The following PALLD variants were observed in gnomAD, a reference collection of about 807,000 sequenced individuals.
PALLD encodes the protein palladin.
A neutral mutation model predicts 123.5 loss-of-function variants in PALLD; 61 were observed. The ratio of observed to expected loss-of-function variants is 0.49; its 90% CI spans 0.40 to 0.61. The LOEUF (loss-of-function observed/expected upper bound fraction) is 0.61, where lower values mean the gene tolerates loss of function less well. Among genes scored for constraint, PALLD ranks in the 20% least tolerant of loss-of-function variants. The probability of loss-of-function intolerance (pLI) is 0.00; values close to 1 mark genes in which losing one functional copy is unlikely to be tolerated. For missense variants in PALLD, 1,273 were observed against 1,377.0 expected (o/e 0.92, Z 1.20); for synonymous variants, 465 against 496.4 (o/e 0.94, Z 0.84).
chr4:168,594,451 A>C (rs1439515363), intron 2 of PALLD, among the ~76,000 whole-genome samples: 1 of 152,200 alleles, frequency 6.6e-6, no homozygotes, highest in Non-Finnish European at 1.5e-5. Flanking sequence ...GAGGGGAGGT[A>C]GTATCCCACT....
At chr4:168,801,215 A>G (rs1739278131) in intron 10 of PALLD, among the ~76,000 whole-genome samples, 1 of 152,168 alleles carries the variant, frequency 6.6e-6, no homozygotes, top group Non-Finnish European at 1.5e-5. Context: ...CTATTTTTTT[A>G]CCTGAGCAGT....
intron 2 of PALLD, among the ~76,000 whole-genome samples, chr4:168,525,660 T>G (rs960764998): frequency 2.6e-5 from 4 of 152,254 alleles, no homozygotes; most frequent in African/African-American, 9.6e-5. Context: ...TGTTTTACTA[T>G]TTGTTAATGG....
Position 168,869,763 on chromosome 4 carries a change from G to A in PALLD, c.1965-21159G>A, listed in dbSNP as rs1385107809. 2.0e-5 allele frequency among the ~76,000 whole-genome samples: 3 copies of A among 152,156 alleles called. No homozygotes were observed. The highest frequency in any genetic ancestry group is 7.2e-5 in the African/African-American group (3 of 41,440). ...GTTTGAAGTGAAGTAGCACATTTAT[G>A]TTACATGGAAGTGGATAGTGGAATT... On this transcript the variant is annotated intron_variant, in intron 10 of 21. Coordinates refer to ENST00000505667, the MANE Select transcript of PALLD (RefSeq NM_001166108.2). This position sits in a 1 kb window ranked among gnomAD's most constrained non-coding sequence, Gnocchi z 4.5.
intron 1 of PALLD, among the ~76,000 whole-genome samples, chr4:168,510,599 C>A (rs1316630249): frequency 6.6e-6 from 1 of 152,072 alleles, no homozygotes; most frequent in East Asian, 1.9e-4. Flanking sequence ...GTATGCCCTG[C>A]AAACTAAGAA....
chr4:168,663,345 C>T (rs1456026246), intron 2 of PALLD, among the ~76,000 whole-genome samples: 1 of 152,178 alleles, frequency 6.6e-6, no homozygotes, highest in Non-Finnish European at 1.5e-5. Flanking sequence ...GTGCCTTTGC[C>T]TAGGAACCCA....
At chr4:168,839,320 ACCAGATGGTGCCC>A (rs1309071368) in intron 10 of PALLD, among the ~76,000 whole-genome samples, 46 of 152,108 alleles carry the variant, frequency 3.0e-4, no homozygotes, top group Admixed American at 1.3e-3. Flanking sequence ...CCTCATTCCC[ACCAGATGGTGCCC>A]CTGTTGGGGG....
chr4:168,534,019 G>A (rs900327950), intron 2 of PALLD, among the ~76,000 whole-genome samples: 6 of 152,128 alleles, frequency 3.9e-5, no homozygotes, highest in Non-Finnish European at 5.9e-5. Context: ...ATATATTATG[G>A]TTCATCAGGT....
chr4:168,711,940 G>A lies in PALLD; in HGVS notation c.1964+17G>A. 1.3e-6 allele frequency: 2 copies of A among 1,596,522 alleles called. No homozygotes were observed. The highest frequency in any genetic ancestry group is 1.7e-6 in the Non-Finnish European group (2 of 1,164,476). ...ACCAAAACTGTGAGTATTTCTGCAT[G>A]GTTTTATAATAATTTCCATACCCCT... On this transcript the variant is annotated intron_variant, in intron 10 of 21. Coordinates refer to ENST00000505667, the MANE Select transcript of PALLD (RefSeq NM_001166108.2).
intron 10 of PALLD, among the ~76,000 whole-genome samples, chr4:168,847,253 A>G (rs28758848): frequency 0.061 from 9,348 of 152,272 alleles, 909 homozygotes; most frequent in African/African-American, 0.21. Flanking sequence ...AGTACAAATT[A>G]GTTGTACAGG....
intron 10 of PALLD, among the ~76,000 whole-genome samples, chr4:168,811,865 G>T (rs553116375): frequency 3.3e-5 from 5 of 151,842 alleles, no homozygotes; most frequent in Admixed American, 6.6e-5. Context: ...CTTCTGTTCA[G>T]CGTTGGATAT....
At chr4:168,643,634 AAG>A (rs58458849) in intron 2 of PALLD, among the ~76,000 whole-genome samples, 18,063 of 152,228 alleles carry the variant, frequency 0.12, 1,174 homozygotes, top group Non-Finnish European at 0.15. Context: ...CAGGCTGGTT[AAG>A]AGTGTCTGAA....
At chr4:168,839,483 A>C (rs1745703589) in intron 10 of PALLD, among the ~76,000 whole-genome samples, 1 of 151,862 alleles carries the variant, frequency 6.6e-6, no homozygotes, top group African/African-American at 2.4e-5. Context: ...TGGTAATCTC[A>C]GCTGAGCGAA....
chr4:168,854,051 ACC>A (rs1174300564), intron 10 of PALLD, among the ~76,000 whole-genome samples: 1 of 152,136 alleles, frequency 6.6e-6, no homozygotes, highest in Admixed American at 6.5e-5. Context: ...TTCTATTATT[ACC>A]CCATTACATA....
At chr4:168,775,510 C>T (rs62334293) in intron 10 of PALLD, among the ~76,000 whole-genome samples, 23,776 of 151,940 alleles carry the variant, frequency 0.16, 2,217 homozygotes, top group Middle Eastern at 0.22. Context: ...TAAAAATTTC[C>T]TTCATAGTGA....
intron 2 of PALLD, among the ~76,000 whole-genome samples, chr4:168,573,303 C>CT (rs796750726): frequency 3.4e-4 from 52 of 151,022 alleles, no homozygotes; most frequent in Middle Eastern, 6.8e-3. Context: ...ACCCCATTGC[C>CT]TTTTTTTTTG....
chr4:168,754,911 TA>T (rs1273481237), intron 10 of PALLD, among the ~76,000 whole-genome samples: 6 of 152,068 alleles, frequency 3.9e-5, no homozygotes, highest in Non-Finnish European at 8.8e-5. Flanking sequence ...TATAAAACAA[TA>T]TAATGTGGGA....
chr4:168,870,461 C>T (rs766774713), intron 10 of PALLD, among the ~76,000 whole-genome samples: 6 of 152,172 alleles, frequency 3.9e-5, no homozygotes, highest in Admixed American at 2.0e-4. Flanking sequence ...ATCTGCCTCT[C>T]GAATGCCTTT....
chr4:168,817,607 A>C (rs1742157603), intron 10 of PALLD, among the ~76,000 whole-genome samples: 1 of 152,216 alleles, frequency 6.6e-6, no homozygotes, highest in Non-Finnish European at 1.5e-5. Context: ...CACTGATCCT[A>C]TGGATAAATG....
At chr4:168,769,685 C>T (rs1734137171) in intron 10 of PALLD, among the ~76,000 whole-genome samples, 1 of 152,144 alleles carries the variant, frequency 6.6e-6, no homozygotes, top group Non-Finnish European at 1.5e-5. Context: ...AAAACTTGGC[C>T]AGACATCACA....
Sources: gnomAD v4.1 joint callset for allele counts (sites outside exome capture counted in the v4.1 genomes callset) on GRCh38, gnomAD v4.1.1 for gene constraint, Gnocchi (gnomAD v3.1) non-coding constraint, MANE v1.5 for transcripts, NCBI Gene and HGNC (gene_info 2026-07-23, HGNC 2026-07-21) for gene names.